Variants in BIRC6 observed in about 807,000 individuals in gnomAD.
The protein encoded by BIRC6 is baculoviral IAP repeat containing 6, also known as dual E2 ubiquitin-conjugating enzyme/E3 ubiquitin-protein ligase BIRC6.
Under a neutral mutation model 503.3 loss-of-function variants are expected in BIRC6, and 98 were observed. The observed-to-expected ratio is 0.19, with a 90% confidence interval of 0.17 to 0.23. The LOEUF is 0.23. Ranked by LOEUF, BIRC6 falls within the 10% of genes least tolerant of loss-of-function variation. The pLI is 1.00. For synonymous variants in BIRC6, 2,240 were observed against 2,078.7 expected (o/e 1.08, Z -2.11); for missense variants, 5,360 against 5,806.0 (o/e 0.92, Z 2.50).
chr2:32,386,734 C>T (rs1201325161), intron 3 of BIRC6, among the ~76,000 whole-genome samples: 1 of 152,128 alleles, frequency 6.6e-6, no homozygotes, highest in Non-Finnish European at 1.5e-5. Flanking sequence ...AGGCACTGTG[C>T]CCAACCTCAA....
intron 12 of BIRC6, 91 bp downstream of exon 12, chr2:32,431,181 C>CTTTTTATTTTTTT (rs2044061117): frequency 1.5e-5 from 1 of 65,364 alleles, no homozygotes; most frequent in Non-Finnish European, 2.8e-5. Flanking sequence ...TACTGTTTAT[C>CTTTTTATTTTTTT]TTTTTTTTTT....
At chr2:32,520,651 T>C (rs2055555444) in intron 57 of BIRC6, among the ~76,000 whole-genome samples, 1 of 152,138 alleles carries the variant, frequency 6.6e-6, no homozygotes, top group Non-Finnish European at 1.5e-5. Flanking sequence ...AACACATGTC[T>C]ACTAAAAATA....
chr2:32,381,823 T>C (rs1470434574), intron 3 of BIRC6, among the ~76,000 whole-genome samples: 1 of 152,082 alleles, frequency 6.6e-6, no homozygotes, highest in Non-Finnish European at 1.5e-5. Flanking sequence ...GGATTACAGG[T>C]GTGAGCCACC....
At chr2:32,419,526 C>A in intron 10 of BIRC6, among the ~76,000 whole-genome samples, 1 of 151,854 alleles carries the variant, frequency 6.6e-6, no homozygotes. Flanking sequence ...CTGCTTGGTG[C>A]AAATACATTT....
chr2:32,439,367 C>T, intron 15 of BIRC6, 141 bp from the exon 16 acceptor site: 1 of 787,578 alleles, frequency 1.3e-6, no homozygotes, highest in South Asian at 2.1e-5. Context: ...CAACTTTCTT[C>T]TGCTCAAACA....
At chr2:32,369,946 ATATATATAT>A (rs1276465859) in intron 1 of BIRC6, among the ~76,000 whole-genome samples, 12 of 28,418 alleles carry the variant, frequency 4.2e-4, no homozygotes, top group African/African-American at 1.3e-3. Context: ...AAAAAAAAAA[ATATATATAT>A]ATATATATAT....
Position 32,430,810 on chromosome 2 carries a change from T to C in BIRC6, c.3023-55T>C. ...AAACTTCACTTCATTGTCTTCTTTT[T>C]TTTTTTTTTTTTTTTTCCACACCTA... is the stretch of plus-strand genomic sequence containing the variant. On this transcript the variant is annotated intron_variant, in intron 11 of 73. Transcript: ENST00000421745. 3.3e-5 allele frequency: 28 copies of C among 859,866 alleles called. No homozygotes were observed. The East Asian group carries it at 8.0e-4, about 25-fold the overall frequency. The allele number at this position is 859,866 out of a possible 1,614,324, so 53.3% of individuals were successfully genotyped here.
chr2:32,484,172 C>G (rs748942319), intron 39 of BIRC6, among the ~76,000 whole-genome samples: 3 of 152,082 alleles, frequency 2.0e-5, no homozygotes, highest in Non-Finnish European at 2.9e-5. Context: ...CCATTGTGCC[C>G]GGCTGCTGTA....
chr2:32,365,666 T>C (rs1018208783), intron 1 of BIRC6, among the ~76,000 whole-genome samples: 1 of 152,034 alleles, frequency 6.6e-6, no homozygotes, highest in Non-Finnish European at 1.5e-5. Context: ...GTTCAACAAG[T>C]GTTTGTCTGC....
At chr2:32,518,186 T>C (rs1412263299) in intron 55 of BIRC6, 68 bp from the exon 56 acceptor site, 4 of 1,426,216 alleles carry the variant, frequency 2.8e-6, no homozygotes, top group South Asian at 1.3e-5. Flanking sequence ...TGTTTCCTTT[T>C]TATCTTTCAA....
At chr2:32,583,132 T>G (rs971180624) in intron 66 of BIRC6, among the ~76,000 whole-genome samples, 2 of 152,208 alleles carry the variant, frequency 1.3e-5, no homozygotes, top group African/African-American at 4.8e-5. Flanking sequence ...GTGTACTTTT[T>G]AGTTAATTTC....
chr2:32,476,181 T>G, intron 33 of BIRC6, 32 bp from the exon 34 acceptor site: 1 of 1,499,470 alleles, frequency 6.7e-7, no homozygotes, highest in Non-Finnish European at 8.9e-7. Context: ...TTAACGTTGT[T>G]AAAGATTAAG....
chr2:32,544,160 CAG>C (rs1362975433), intron 62 of BIRC6, among the ~76,000 whole-genome samples: 2 of 152,002 alleles, frequency 1.3e-5, no homozygotes, highest in Non-Finnish European at 2.9e-5. Flanking sequence ...ATATTGGTAA[CAG>C]ATCATGGAAA....
Position 32,439,699 on chromosome 2 carries a change from C to T in BIRC6, c.3810+13C>T. The T allele has an allele frequency of 1.9e-6, 3 of 1,605,200 alleles. No homozygotes were observed. Among genetic ancestry groups the T allele is most frequent in the Non-Finnish European group, 2.6e-6 (3 of 1,172,734 alleles). On this transcript the variant is annotated intron_variant, in intron 16 of 73. Coordinates refer to ENST00000421745, the MANE Select transcript of BIRC6 (RefSeq NM_016252.4). ...TGCAGCAGGCAAGGTATGAAACTGT[C>T]ATTTTGAACAATAACAATACAGTTT...
At chr2:32,457,008 C>T (rs1406866810) in intron 23 of BIRC6, among the ~76,000 whole-genome samples, 1 of 152,116 alleles carries the variant, frequency 6.6e-6, no homozygotes, top group Non-Finnish European at 1.5e-5. Context: ...CCTCCTGCCC[C>T]TGTCTCCCAA....
intron 1 of BIRC6, among the ~76,000 whole-genome samples, chr2:32,369,367 T>C (rs2035442078): frequency 6.6e-6 from 1 of 152,086 alleles, no homozygotes; most frequent in Non-Finnish European, 1.5e-5. Flanking sequence ...GTAGGATTAT[T>C]ATATTGATTA....
At chr2:32,464,366 C>T (rs1034079267) in intron 24 of BIRC6, 143 bp from the exon 25 acceptor site, 21 of 1,066,728 alleles carry the variant, frequency 2.0e-5, no homozygotes, top group East Asian at 2.6e-5. Flanking sequence ...CCATTTATAT[C>T]GAGTCCAGTT....
intron 47 of BIRC6, 114 bp from the exon 48 acceptor site, chr2:32,502,681 T>C: frequency 3.0e-6 from 2 of 666,746 alleles, no homozygotes; most frequent in Admixed American, 3.6e-5. Context: ...GTATTTAGCG[T>C]ATTTAAGGCT....
intron 4 of BIRC6, among the ~76,000 whole-genome samples, chr2:32,390,139 C>G (rs1324884189): frequency 1.3e-5 from 2 of 151,702 alleles, no homozygotes; most frequent in Non-Finnish European, 2.9e-5. Flanking sequence ...GGATTACAGG[C>G]ATGAGCCATG....
Sources: allele counts gnomAD v4.1 joint callset (sites outside exome capture counted in the v4.1 genomes callset), GRCh38; gene constraint gnomAD v4.1.1; transcripts MANE v1.5; gene names NCBI Gene and HGNC (gene_info 2026-07-23, HGNC 2026-07-21).